Variants in RGS8 observed in about 807,000 individuals in gnomAD.
RGS8 encodes regulator of G-protein signaling 8.
In RGS8, 8 loss-of-function variants were observed where a neutral mutation model predicts 21.7. That is an observed-to-expected ratio of 0.37 (90% CI 0.22 to 0.66). RGS8 has a LOEUF of 0.66. Ranked by LOEUF, RGS8 falls within the 30% of genes least tolerant of loss-of-function variation. The pLI is 0.59. For synonymous variants in RGS8, 80 were observed against 83.6 expected (o/e 0.96, Z 0.24); for missense variants, 157 against 217.9 (o/e 0.72, Z 1.76).
intron 1 of RGS8, among the ~76,000 whole-genome samples, chr1:182,683,623 T>C (rs1211533076): frequency 8.7e-6 from 1 of 115,210 alleles, no homozygotes; most frequent in East Asian, 2.5e-4. Context: ...CTCTTCCCAG[T>C]GCTCAAAAAA....
At chr1:182,672,972 C>G (rs900093193), upstream of RGS8, 2 of 902,158 alleles carry the variant, frequency 2.2e-6, no homozygotes, top group African/African-American at 3.3e-5. Context: ...GGCCCCACCC[C>G]TAGACCTACA....
At chr1:182,713,804 G>T in the RGS8 span, among the ~76,000 whole-genome samples, 2 of 152,144 alleles carry the variant, frequency 1.3e-5, no homozygotes, top group Non-Finnish European at 2.9e-5. Flanking sequence ...CCCCATCATT[G>T]CCTGTTTGAA....
intron 1 of RGS8, 96 bp from the exon 3 acceptor site, chr1:182,671,826 A>G: frequency 6.3e-7 from 1 of 1,597,820 alleles, no homozygotes; most frequent in South Asian, 1.1e-5. Flanking sequence ...ACACATATAC[A>G]CACACAGGCA....
the RGS8 span, among the ~76,000 whole-genome samples, chr1:182,694,388 A>G: frequency 6.6e-6 from 1 of 152,190 alleles, no homozygotes; most frequent in African/African-American, 2.4e-5. Flanking sequence ...CACAGTGTCC[A>G]CTGTGGCCTT....
At chr1:182,724,583 A>G in the RGS8 span, among the ~76,000 whole-genome samples, 2 of 151,860 alleles carry the variant, frequency 1.3e-5, no homozygotes, top group African/African-American at 4.8e-5. Flanking sequence ...TTTGAGACGG[A>G]GTATTGCTCT....
the RGS8 span, among the ~76,000 whole-genome samples, chr1:182,716,113 A>T: frequency 2.1e-5 from 3 of 145,280 alleles, no homozygotes; most frequent in Non-Finnish European, 4.5e-5. Flanking sequence ...AATAGTAGTT[A>T]CACTGTTTTT....
At chr1:182,702,143 A>G in the RGS8 span, among the ~76,000 whole-genome samples, 2 of 152,246 alleles carry the variant, frequency 1.3e-5, no homozygotes, top group African/African-American at 4.8e-5. Flanking sequence ...ACAGTAGCAA[A>G]GACAAGGACT....
At chr1:182,714,151 A>C in the RGS8 span, among the ~76,000 whole-genome samples, 21 of 152,250 alleles carry the variant, frequency 1.4e-4, no homozygotes, top group African/African-American at 4.3e-4. Context: ...GTTTCAGCTT[A>C]AATGTCATAT....
At chr1:182,710,796 G>GT in the RGS8 span, among the ~76,000 whole-genome samples, 1 of 152,196 alleles carries the variant, frequency 6.6e-6, no homozygotes, top group African/African-American at 2.4e-5. Flanking sequence ...ACCTGAAAAT[G>GT]TAGGTAGTAG....
chr1:182,692,421 G>A, the RGS8 span, among the ~76,000 whole-genome samples: 1 of 151,938 alleles, frequency 6.6e-6, no homozygotes, highest in Non-Finnish European at 1.5e-5. Context: ...AACCAGGGAG[G>A]TGAAAGATCT....
chr1:182,666,734 C>T lies in RGS8; in HGVS notation c.128+138G>A, dbSNP rs1027996761. 9.0e-5 allele frequency: 56 copies of T among 623,176 alleles called. 5 individuals are homozygous for T. The highest frequency in any genetic ancestry group is 2.3e-4 in the Admixed American group (9 of 39,904). 38.6% of individuals were successfully genotyped at this position (623,176 alleles called of 1,614,324 possible). ...AAAAGGAAAATAAACATTCCTTTCACTCACGTCCAGGGATATAAAAGGAGC... is the reference window on the plus strand; with the variant it reads ...AAAAGGAAAATAAACATTCCTTTCATTCACGTCCAGGGATATAAAAGGAGC... On this transcript the variant is annotated intron_variant, in intron 4 of 6. Transcript: ENST00000483095.
At chr1:182,683,620 C>A in intron 1 of RGS8, among the ~76,000 whole-genome samples, 1 of 131,524 alleles carries the variant, frequency 7.6e-6, no homozygotes, top group Non-Finnish European at 1.6e-5. Flanking sequence ...ACCCTCTTCC[C>A]AGTGCTCAAA....
At chr1:182,725,808 A>T in the RGS8 span, among the ~76,000 whole-genome samples, 1 of 152,232 alleles carries the variant, frequency 6.6e-6, no homozygotes, top group African/African-American at 2.4e-5. Context: ...TCAATCAGCC[A>T]GGCTTCCCCT....
At chr1:182,739,700 C>T in the RGS8 span, among the ~76,000 whole-genome samples, 3 of 152,134 alleles carry the variant, frequency 2.0e-5, no homozygotes, top group Non-Finnish European at 4.4e-5. Flanking sequence ...TTCCATTCCT[C>T]TTGGCCTTGA....
Position 182,668,276 on chromosome 1 carries a change from A to G in RGS8, c.27-1303T>C, listed in dbSNP as rs1224848304. On this transcript the variant is annotated intron_variant, in intron 3 of 6. Coordinates refer to ENST00000483095, the Ensembl canonical transcript of RGS8. ...TAAGTGGGACAGGTTTAGTATAATC[A>G]AATCAGGACTTAAGAGTGACTTAGA... Among the ~76,000 whole-genome samples the G allele has an allele frequency of 3.3e-5, 5 of 152,242 alleles. No homozygotes were observed. In the East Asian group the frequency reaches 9.6e-4, roughly 29 times the overall value.
the RGS8 span, among the ~76,000 whole-genome samples, chr1:182,710,002 C>T: frequency 6.6e-6 from 1 of 152,140 alleles, no homozygotes; most frequent in African/African-American, 2.4e-5. Flanking sequence ...TTTTTCCATC[C>T]TTGTTTCACT....
At chr1:182,726,612 G>A in the RGS8 span, among the ~76,000 whole-genome samples, 1 of 151,858 alleles carries the variant, frequency 6.6e-6, no homozygotes. Flanking sequence ...AGAGGTTGTG[G>A]TGAGCCAAGA....
the RGS8 span, among the ~76,000 whole-genome samples, chr1:182,692,776 T>C: frequency 2.1e-4 from 30 of 141,002 alleles, no homozygotes; most frequent in Non-Finnish European, 3.4e-4. Context: ...GGTACAAAAA[T>C]AGACACATAG....
At chr1:182,711,848 A>T in the RGS8 span, among the ~76,000 whole-genome samples, 2 of 152,168 alleles carry the variant, frequency 1.3e-5, no homozygotes, top group Non-Finnish European at 2.9e-5. Flanking sequence ...TCTTCCCATC[A>T]TATTAATCTC....
Sources: gnomAD v4.1 joint callset for allele counts (sites outside exome capture counted in the v4.1 genomes callset) on GRCh38, gnomAD v4.1.1 for gene constraint, MANE v1.5 for transcripts, NCBI Gene and HGNC (gene_info 2026-07-23, HGNC 2026-07-21) for gene names.